SMIM36: variants seen among roughly 807,000 people sequenced by gnomAD.
The protein encoded by SMIM36 is small integral membrane protein 36.
At chr17:55,494,227 G>C (rs902695231) in intron 1 of SMIM36, among the ~76,000 whole-genome samples, 1 of 152,062 alleles carries the variant, frequency 6.6e-6, no homozygotes, top group African/African-American at 2.4e-5. Flanking sequence ...TACGAGACAC[G>C]CACTCCTTTT....
intron 3 of SMIM36, among the ~76,000 whole-genome samples, chr17:55,476,584 G>A (rs1214494111): frequency 6.8e-6 from 1 of 146,672 alleles, no homozygotes; most frequent in Non-Finnish European, 1.5e-5. Context: ...TTTTTTGTTT[G>A]TTTAGACAGA....
rs1407872056 is a variant in SMIM36, at chr17:55,462,810, A to G, written c.*531+4335T>C. Among the ~76,000 whole-genome samples, 5 of 152,150 alleles carry G rather than the reference A, an allele frequency of 3.3e-5. No homozygotes were observed. The East Asian group carries it at 9.7e-4, about 29-fold the overall frequency. On this transcript the variant is annotated intron_variant, in intron 4 of 4. Transcript: ENST00000636752. ...AATCTAAAATAGGTCAGGCCCAGAG[A>G]CAGAATACTCAGGCCTCTGGGGTTA...
chr17:55,496,080 G>C (rs1421119787), intron 1 of SMIM36, among the ~76,000 whole-genome samples: 3 of 152,180 alleles, frequency 2.0e-5, no homozygotes, highest in Non-Finnish European at 4.4e-5. Flanking sequence ...ACTTTTCACA[G>C]ATACATTTCC....
upstream of SMIM36, among the ~76,000 whole-genome samples, chr17:55,514,983 G>A (rs910114380): frequency 1.1e-4 from 16 of 150,962 alleles, no homozygotes; most frequent in African/African-American, 3.2e-4. Context: ...TTATTTCACA[G>A]TTGAGGACAT....
the SMIM36 span, among the ~76,000 whole-genome samples, chr17:55,518,635 G>A: frequency 3.3e-5 from 5 of 152,130 alleles, no homozygotes; most frequent in Non-Finnish European, 7.4e-5. Context: ...ATTTTGAGGA[G>A]TTTGGTTGTG....
intron 4 of SMIM36, among the ~76,000 whole-genome samples, chr17:55,450,661 T>G (rs1281875090): frequency 1.3e-5 from 2 of 152,202 alleles, no homozygotes; most frequent in Non-Finnish European, 2.9e-5. Context: ...TAGTACTCCT[T>G]GCTTTCTGCT....
chr17:55,525,997 C>T, the SMIM36 span, among the ~76,000 whole-genome samples: 31 of 142,542 alleles, frequency 2.2e-4, no homozygotes, highest in Admixed American at 2.0e-3. Context: ...GGAAAACAAA[C>T]AAAAAACTGG....
At chr17:55,487,420 G>A (rs193265666) in intron 1 of SMIM36, among the ~76,000 whole-genome samples, 3 of 152,210 alleles carry the variant, frequency 2.0e-5, no homozygotes, top group East Asian at 1.9e-4. Flanking sequence ...CACAGAACAG[G>A]GTTTCCTAAT....
At chr17:55,500,735 T>G (rs1341866692) in intron 1 of SMIM36, among the ~76,000 whole-genome samples, 5 of 54,808 alleles carry the variant, frequency 9.1e-5, no homozygotes, top group African/African-American at 2.0e-4. Context: ...AAAAGAACAT[T>G]CATTTAAAAG....
At chr17:55,459,299 G>C (rs901377195) in intron 4 of SMIM36, among the ~76,000 whole-genome samples, 7 of 152,208 alleles carry the variant, frequency 4.6e-5, no homozygotes, top group Admixed American at 1.3e-4. Flanking sequence ...ACCTGGGCTT[G>C]AGTCATCTCT....
intron 1 of SMIM36, among the ~76,000 whole-genome samples, chr17:55,487,133 T>C (rs750151601): frequency 6.1e-5 from 9 of 147,756 alleles, no homozygotes; most frequent in South Asian, 4.3e-4. Context: ...TTCTCACTCA[T>C]AGGTGGGAAT....
intron 4 of SMIM36, among the ~76,000 whole-genome samples, chr17:55,451,129 C>G (rs188608960): frequency 6.6e-6 from 1 of 152,224 alleles, no homozygotes; most frequent in East Asian, 1.9e-4. Flanking sequence ...TCATAATCCG[C>G]TCTCCTCAGC....
At chr17:55,460,150 C>A (rs1433434278) in intron 4 of SMIM36, among the ~76,000 whole-genome samples, 2 of 152,080 alleles carry the variant, frequency 1.3e-5, no homozygotes, top group Non-Finnish European at 2.9e-5. Flanking sequence ...ATAATGCTGG[C>A]CAGGCATGGT....
At chr17:55,468,849 C>T (rs1399354839) in intron 3 of SMIM36, among the ~76,000 whole-genome samples, 1 of 152,100 alleles carries the variant, frequency 6.6e-6, no homozygotes, top group African/African-American at 2.4e-5. Context: ...ACCGCTTGGC[C>T]CCAATACAAA....
chr17:55,514,088 G>A (rs765947450), upstream of SMIM36, among the ~76,000 whole-genome samples: 1 of 152,018 alleles, frequency 6.6e-6, no homozygotes, highest in Non-Finnish European at 1.5e-5. Context: ...TGAAATGCTG[G>A]GTGCTTGTTT....
the SMIM36 span, among the ~76,000 whole-genome samples, chr17:55,522,098 C>T: frequency 6.6e-6 from 1 of 152,200 alleles, no homozygotes; most frequent in Non-Finnish European, 1.5e-5. Context: ...CACAAGCTGG[C>T]TAACCTACCT....
At chr17:55,529,160 G>T in the SMIM36 span, among the ~76,000 whole-genome samples, 1 of 152,326 alleles carries the variant, frequency 6.6e-6, no homozygotes, top group Middle Eastern at 3.4e-3. Context: ...AAAAATGGAG[G>T]TGACAGAACT....
At chr17:55,461,721 A>G (rs913744092) in intron 4 of SMIM36, among the ~76,000 whole-genome samples, 7 of 152,262 alleles carry the variant, frequency 4.6e-5, no homozygotes, top group South Asian at 2.1e-4. Flanking sequence ...CCAGAAAAAC[A>G]TAATTCATTT....
At chr17:55,465,500 A>G (rs1466145038) in intron 4 of SMIM36, among the ~76,000 whole-genome samples, 1 of 152,162 alleles carries the variant, frequency 6.6e-6, no homozygotes, top group Admixed American at 6.5e-5. Context: ...CTATCTTTAG[A>G]TATTTGAACA....
Sources: gnomAD v4.1 joint callset for allele counts (sites outside exome capture counted in the v4.1 genomes callset) on GRCh38, gnomAD v4.1.1 for gene constraint, MANE v1.5 for transcripts, NCBI Gene and HGNC (gene_info 2026-07-23, HGNC 2026-07-21) for gene names.